The following ARHGEF28 variants were observed in gnomAD, a reference collection of about 807,000 sequenced individuals.
ARHGEF28 encodes the protein 190 kDa guanine nucleotide exchange factor.
A neutral mutation model predicts 206.6 loss-of-function variants in ARHGEF28; 152 were observed. The ratio of observed to expected loss-of-function variants is 0.74; its 90% CI spans 0.64 to 0.84. ARHGEF28 has a LOEUF of 0.84. Among genes scored for constraint, ARHGEF28 ranks in the 40% least tolerant of loss-of-function variants. The pLI is 0.00. For missense variants in ARHGEF28, 2,028 were observed against 2,073.2 expected (o/e 0.98, Z 0.42); for synonymous variants, 763 against 776.4 (o/e 0.98, Z 0.29).
chr5:73,903,996 C>T, intron 31 of ARHGEF28: 1 of 539,458 alleles, frequency 1.9e-6, no homozygotes, highest in Non-Finnish European at 3.3e-6. Context: ...TGAAAATTGC[C>T]ATCCATCTCA....
chr5:73,931,868 A>G lies in ARHGEF28; in HGVS notation c.4949-8976A>G, dbSNP rs971394066. Among the ~76,000 whole-genome samples, 4 of 152,214 alleles carry G rather than the reference A, an allele frequency of 2.6e-5. No individual in the cohort carries two copies. The East Asian group carries it at 7.7e-4, about 29-fold the overall frequency. On this transcript the variant is annotated intron_variant, in intron 35 of 35. Coordinates refer to ENST00000513042, the MANE Select transcript of ARHGEF28 (RefSeq NM_001177693.2). Reference sequence around the variant, plus strand: ...TTTGGATTGGCGTGGGATTGAATCAAATAAGAGATGTATACAAAATATGTA... The same window carrying G: ...TTTGGATTGGCGTGGGATTGAATCAGATAAGAGATGTATACAAAATATGTA...
intron 7 of ARHGEF28, among the ~76,000 whole-genome samples, chr5:73,791,115 A>G (rs1754454422): frequency 6.6e-6 from 1 of 152,152 alleles, no homozygotes; most frequent in Non-Finnish European, 1.5e-5. Context: ...CTTGTCAGCT[A>G]TGTATATTTT....
chr5:73,779,717 CT>C (rs1753726276), intron 6 of ARHGEF28, among the ~76,000 whole-genome samples: 1 of 152,180 alleles, frequency 6.6e-6, no homozygotes, highest in African/African-American at 2.4e-5. Context: ...GGTCCAGCCA[CT>C]CATTCCATGG....
At chr5:73,759,364 C>G (rs1204999680) in intron 4 of ARHGEF28, among the ~76,000 whole-genome samples, 2 of 152,126 alleles carry the variant, frequency 1.3e-5, no homozygotes, top group Non-Finnish European at 2.9e-5. Flanking sequence ...TGTCATGGCC[C>G]ACACATGTAA....
intron 2 of ARHGEF28, among the ~76,000 whole-genome samples, chr5:73,739,037 T>C (rs1260113000): frequency 2.0e-5 from 3 of 152,202 alleles, no homozygotes; most frequent in African/African-American, 7.2e-5. Flanking sequence ...TGGTCACTAA[T>C]AGAACTTAGT....
At chr5:73,904,773 G>A (rs1042631524) in intron 33 of ARHGEF28, 19 of 230,162 alleles carry the variant, frequency 8.3e-5, no homozygotes, top group Non-Finnish European at 1.5e-4. Context: ...GTGGCCATCA[G>A]CCTTTAGAGC....
At chr5:73,845,152 G>A (rs914276818) in intron 11 of ARHGEF28, among the ~76,000 whole-genome samples, 40 of 151,630 alleles carry the variant, frequency 2.6e-4, no homozygotes, top group African/African-American at 9.2e-4. Flanking sequence ...CAAGTAGCTG[G>A]GATTACAGGT....
At chr5:73,673,125 G>A (rs962829270) in intron 1 of ARHGEF28, among the ~76,000 whole-genome samples, 1 of 152,186 alleles carries the variant, frequency 6.6e-6, no homozygotes, top group African/African-American at 2.4e-5. Flanking sequence ...AGACACTGTT[G>A]TGTGTTCAAT....
chr5:73,896,333 C>T (rs752617654), intron 29 of ARHGEF28, among the ~76,000 whole-genome samples: 2 of 152,124 alleles, frequency 1.3e-5, no homozygotes, highest in Non-Finnish European at 2.9e-5. Context: ...GCCAGAGTAG[C>T]AGATGTCAGC....
At chr5:73,881,051 T>G (rs1760894771) in intron 22 of ARHGEF28, among the ~76,000 whole-genome samples, 1 of 147,780 alleles carries the variant, frequency 6.8e-6, no homozygotes, top group Admixed American at 6.7e-5. Context: ...TTTTTTTTTT[T>G]GTCTATGGCT....
At chr5:73,883,125 A>G (rs1435203623) in intron 23 of ARHGEF28, among the ~76,000 whole-genome samples, 2 of 152,140 alleles carry the variant, frequency 1.3e-5, no homozygotes, top group Non-Finnish European at 2.9e-5. Context: ...TGAGGTGGTT[A>G]TATCTCTTAA....
At chr5:73,731,369 C>T (rs1003414070) in intron 2 of ARHGEF28, among the ~76,000 whole-genome samples, 2 of 152,114 alleles carry the variant, frequency 1.3e-5, no homozygotes, top group African/African-American at 4.8e-5. Flanking sequence ...AAACTCAAAT[C>T]ATCATAAGTT....
At chr5:73,686,669 C>G (rs566438615) in intron 2 of ARHGEF28, among the ~76,000 whole-genome samples, 3 of 151,860 alleles carry the variant, frequency 2.0e-5, no homozygotes, top group Non-Finnish European at 4.4e-5. Flanking sequence ...CAGACACCGC[C>G]ACCACGCCCG....
At chr5:73,821,071 G>T (rs546525254) in intron 9 of ARHGEF28, among the ~76,000 whole-genome samples, 178 of 152,134 alleles carry the variant, frequency 1.2e-3, no homozygotes, top group African/African-American at 4.0e-3. Flanking sequence ...ACAATCGAGA[G>T]TCCTGGTTAT....
chr5:73,844,593 G>A (rs930378177), intron 11 of ARHGEF28, among the ~76,000 whole-genome samples: 1 of 143,296 alleles, frequency 7.0e-6, no homozygotes, highest in African/African-American at 2.6e-5. Flanking sequence ...TTAATTCAAA[G>A]TTTCATTTTC....
chr5:73,802,870 CTGTGTGTGTGTG>C (rs561505395), intron 9 of ARHGEF28, among the ~76,000 whole-genome samples: 89 of 122,222 alleles, frequency 7.3e-4, no homozygotes, highest in East Asian at 2.8e-3. Context: ...AGCTCGATTG[CTGTGTGTGTGTG>C]TGTGTGTGTG....
chr5:73,928,832 A>G lies in ARHGEF28; in HGVS notation c.4949-12012A>G, dbSNP rs554041932. Among the ~76,000 whole-genome samples the G allele has an allele frequency of 2.0e-5, 3 of 152,364 alleles. No homozygotes were observed. In the South Asian group the frequency reaches 6.2e-4, roughly 32 times the overall value. On this transcript the variant is annotated intron_variant, in intron 35 of 35. Coordinates refer to ENST00000513042, the MANE Select transcript of ARHGEF28 (RefSeq NM_001177693.2). ...AGAAGTCCCTGGTCTCTAGAGCCTTAAGAGGAATTCAGAGTCATGAGAATA... is the reference window on the plus strand; with the variant it reads ...AGAAGTCCCTGGTCTCTAGAGCCTTGAGAGGAATTCAGAGTCATGAGAATA...
At chr5:73,836,748 G>A (rs1245434728) in intron 10 of ARHGEF28, among the ~76,000 whole-genome samples, 2 of 152,118 alleles carry the variant, frequency 1.3e-5, no homozygotes, top group African/African-American at 2.4e-5. Flanking sequence ...CCAATGTCAA[G>A]GAGTTTTTCC....
chr5:73,759,926 A>G (rs1233338497), intron 4 of ARHGEF28, among the ~76,000 whole-genome samples: 1 of 152,232 alleles, frequency 6.6e-6, no homozygotes, highest in African/African-American at 2.4e-5. Flanking sequence ...TTCTTTGAAT[A>G]CAGAAAAGAG....
Sources: allele counts gnomAD v4.1 joint callset (sites outside exome capture counted in the v4.1 genomes callset), GRCh38; gene constraint gnomAD v4.1.1; transcripts MANE v1.5; gene names NCBI Gene and HGNC (gene_info 2026-07-23, HGNC 2026-07-21).